NHERF2: variants seen among roughly 807,000 people sequenced by gnomAD.
NHERF2 encodes the protein NHERF family PDZ scaffold protein 2, also known as Na(+)/H(+) exchange regulatory cofactor NHE-RF2.
At chr16:2,036,186 G>A in the NHERF2 span, 83 of 833,076 alleles carry the variant, frequency 1.0e-4, no homozygotes, top group African/African-American at 5.5e-4. Flanking sequence ...CTGGGTGCCC[G>A]GAGTGTTTGC....
At chr16:2,027,259 C>G in the NHERF2 span, 4 of 1,206,934 alleles carry the variant, frequency 3.3e-6, no homozygotes, top group African/African-American at 4.8e-5. Context: ...GCCCCCTCCC[C>G]GAGCGCGTCC....
At chr16:2,031,101 G>A in the NHERF2 span, among the ~76,000 whole-genome samples, 21 of 152,186 alleles carry the variant, frequency 1.4e-4, no homozygotes, top group African/African-American at 4.6e-4. Flanking sequence ...TTTCCCAGAC[G>A]TCACTGCTGA....
At chr16:2,037,677 G>C in the NHERF2 span, 15 of 1,569,370 alleles carry the variant, frequency 9.6e-6, no homozygotes, top group African/African-American at 1.6e-4. Flanking sequence ...GGAGATGTCA[G>C]CCCGGGCAGT....
the NHERF2 span, chr16:2,037,112 T>C: frequency 7.9e-6 from 10 of 1,261,026 alleles, no homozygotes; most frequent in Admixed American, 4.1e-5. Context: ...GACACCCGAT[T>C]TTAGCCCTGT....
At chr16:2,029,944 G>A in the NHERF2 span, among the ~76,000 whole-genome samples, 1 of 152,200 alleles carries the variant, frequency 6.6e-6, no homozygotes, top group African/African-American at 2.4e-5. Flanking sequence ...GCCACTGGGG[G>A]CCACTGTTTC....
chr16:2,036,017 C>T, the NHERF2 span: 1 of 391,116 alleles, frequency 2.6e-6, no homozygotes. Flanking sequence ...TTCATCCCAC[C>T]TGGTGCTTCC....
chr16:2,031,306 CTTGCAGGGGGGCTGGCT>C, the NHERF2 span, among the ~76,000 whole-genome samples: 1 of 152,152 alleles, frequency 6.6e-6, no homozygotes, highest in Non-Finnish European at 1.5e-5. Flanking sequence ...GGGGGCTGGC[CTTGCAGGGGGGCTGGCT>C]GGTCCTAAGC....
chr16:2,031,260 T>G, the NHERF2 span, among the ~76,000 whole-genome samples: 5 of 152,186 alleles, frequency 3.3e-5, no homozygotes, highest in Admixed American at 6.5e-5. Context: ...GCCACAGTGG[T>G]GCTCAGGGCC....
chr16:2,038,430 C>G, the NHERF2 span: 1 of 383,254 alleles, frequency 2.6e-6, no homozygotes, highest in South Asian at 1.9e-5. Flanking sequence ...CCTTCCCCTC[C>G]CCCTTGGGAC....
the NHERF2 span, among the ~76,000 whole-genome samples, chr16:2,037,173 A>G: frequency 6.6e-6 from 1 of 152,112 alleles, no homozygotes; most frequent in Non-Finnish European, 1.5e-5. Flanking sequence ...TGCCACACAC[A>G]AGCCACGTGG....
the NHERF2 span, chr16:2,036,962 G>T: frequency 6.4e-7 from 1 of 1,555,384 alleles, no homozygotes; most frequent in Non-Finnish European, 8.7e-7. Context: ...CAGGTCCTCT[G>T]CCGTCACCCG....
the NHERF2 span, among the ~76,000 whole-genome samples, chr16:2,030,184 T>C: frequency 6.6e-6 from 1 of 152,190 alleles, no homozygotes; most frequent in African/African-American, 2.4e-5. Context: ...TCTTTGTCTC[T>C]GTTGAAGGCG....
chr16:2,035,248 G>A, the NHERF2 span: 4 of 255,450 alleles, frequency 1.6e-5, no homozygotes, highest in South Asian at 1.4e-4. Flanking sequence ...TGGCGGGGCG[G>A]TCCCCCCCGC....
chr16:2,033,149 G>T, the NHERF2 span: 3 of 1,415,470 alleles, frequency 2.1e-6, no homozygotes, highest in South Asian at 1.5e-5. Flanking sequence ...TGGGTGGGGG[G>T]CGCCAGGCTG....
chr16:2,027,393 G>A, the NHERF2 span, among the ~76,000 whole-genome samples: 1 of 151,912 alleles, frequency 6.6e-6, no homozygotes, highest in Non-Finnish European at 1.5e-5. Context: ...AGTCCTGCAC[G>A]GGGGTGGGGG....
At chr16:2,036,162 C>T in the NHERF2 span, 2 of 677,400 alleles carry the variant, frequency 3.0e-6, no homozygotes, top group South Asian at 4.2e-5. Flanking sequence ...AGCTAAAGCT[C>T]TGTCACAGGC....
the NHERF2 span, chr16:2,029,402 G>T: frequency 1.6e-6 from 1 of 614,808 alleles, no homozygotes; most frequent in South Asian, 1.9e-5. Context: ...GAGTGCAGAG[G>T]GAGGGAGCCG....
chr16:2,033,495 T>C, the NHERF2 span: 5 of 1,468,558 alleles, frequency 3.4e-6, no homozygotes, highest in African/African-American at 1.4e-5. Context: ...CCTCCCGGGG[T>C]GGAAGGAGGG....
At chr16:2,036,324 G>T in the NHERF2 span, 1 of 1,606,148 alleles carries the variant, frequency 6.2e-7, no homozygotes, top group Non-Finnish European at 8.5e-7. Flanking sequence ...GGGCCTGCAG[G>T]ATGTCAGTGG....
Sources: allele counts gnomAD v4.1 joint callset (sites outside exome capture counted in the v4.1 genomes callset), GRCh38; gene constraint gnomAD v4.1.1; transcripts MANE v1.5; gene names NCBI Gene and HGNC (gene_info 2026-07-23, HGNC 2026-07-21).